FAM180A: variants seen among roughly 807,000 people sequenced by gnomAD.
The protein encoded by FAM180A is family with sequence similarity 180 member A.
FAM180A carries 14 observed loss-of-function variants against 15.3 expected under a neutral mutation model. The observed-to-expected ratio is 0.92, with a 90% confidence interval of 0.61 to 1.43. FAM180A has a LOEUF of 1.43. Among genes scored for constraint, FAM180A ranks in the 40% most tolerant of loss-of-function variants. The pLI is 0.00. For synonymous variants in FAM180A, 90 were observed against 96.8 expected, an observed-to-expected ratio of 0.93 and a Z score of 0.41; for missense variants, 200 against 220.8, an observed-to-expected ratio of 0.91 and a Z score of 0.60.
At position 135,733,868 on chromosome 7, in the gene FAM180A, C is replaced by T. The variant is rs1796828397; in HGVS notation, c.*107G>A. 3 of 1,442,238 alleles carry T rather than the reference C, an allele frequency of 2.1e-6. No individual in the cohort carries two copies. The highest frequency in any genetic ancestry group is 2.7e-6 in the Non-Finnish European group (3 of 1,098,818). The allele number at this position is 1,442,238 out of a possible 1,614,324, so 89.3% of individuals were successfully genotyped here. On this transcript the variant is annotated 3_prime_UTR_variant, in exon 3 of 4. Coordinates refer to ENST00000338588, the MANE Select transcript of FAM180A (RefSeq NM_205855.4). ...CTGTTTGATCTCTGCTGCTCTGTGT[C>T]AGCGGTAAGAGTTTTGTTGCTGGTC... is the stretch of plus-strand genomic sequence containing the variant.
Position 135,729,746 on chromosome 7 carries a change from A to G in FAM180A, c.*865T>C. On this transcript the variant is annotated 3_prime_UTR_variant, in exon 4 of 4. Transcript: ENST00000338588. The stretch of plus-strand genomic sequence containing the variant: ...GAAGGAAACACTTTTCCAGAATACA[A>G]TGCTCAAGAAATGTAAGCCAGATCC... 2 of 985,388 alleles carry G rather than the reference A, an allele frequency of 2.0e-6. No individual in the cohort carries two copies. The highest frequency in any genetic ancestry group is 1.7e-5 in the African/African-American group (1 of 57,352). The allele number at this position is 985,388 out of a possible 1,614,324, so 61.0% of individuals were successfully genotyped here.
intron 1 of FAM180A, among the ~76,000 whole-genome samples, chr7:135,740,736 A>G (rs981510599): frequency 6.6e-6 from 1 of 152,138 alleles, no homozygotes; most frequent in Non-Finnish European, 1.5e-5. Context: ...CAAAGAGGGC[A>G]TGGACTTTGT....
At chr7:135,732,226 G>C (rs1013285094) in intron 3 of FAM180A, among the ~76,000 whole-genome samples, 2 of 152,204 alleles carry the variant, frequency 1.3e-5, no homozygotes, top group Non-Finnish European at 2.9e-5. Context: ...GGGAAACTCA[G>C]AACTGAACAC....
chr7:135,731,217 A>G (rs917926286), intron 3 of FAM180A, among the ~76,000 whole-genome samples: 11 of 152,116 alleles, frequency 7.2e-5, no homozygotes, highest in African/African-American at 2.7e-4. Context: ...AAGACTGACT[A>G]TCAGGGTATT....
intron 1 of FAM180A, among the ~76,000 whole-genome samples, chr7:135,740,877 C>T (rs1310837127): frequency 6.7e-6 from 1 of 148,546 alleles, no homozygotes; most frequent in Admixed American, 6.7e-5. Flanking sequence ...AGGATAGGAT[C>T]TAAGAGCGAC....
chr7:135,737,305 G>T, intron 1 of FAM180A, 106 bp from the exon 2 acceptor site: 1 of 851,088 alleles, frequency 1.2e-6, no homozygotes, highest in Non-Finnish European at 1.8e-6. Context: ...GGACTGACTT[G>T]GCCAGGCACG....
chr7:135,729,748 G>C lies in FAM180A; in HGVS notation c.*863C>G, dbSNP rs1796753978. The C allele has an allele frequency of 1.0e-6, 1 of 985,262 alleles. No individual in the cohort carries two copies. Among genetic ancestry groups the C allele is most frequent in the African/African-American group, 1.7e-5 (1 of 57,322 alleles). 61.0% of individuals were successfully genotyped at this position (985,262 alleles called of 1,614,324 possible). On this transcript the variant is annotated 3_prime_UTR_variant, in exon 4 of 4. Coordinates refer to ENST00000338588, the MANE Select transcript of FAM180A (RefSeq NM_205855.4). Reference sequence around the variant, plus strand: ...AGGAAACACTTTTCCAGAATACAATGCTCAAGAAATGTAAGCCAGATCCCG... The same window carrying C: ...AGGAAACACTTTTCCAGAATACAATCCTCAAGAAATGTAAGCCAGATCCCG...
At chr7:135,747,780 C>T (rs1239822066) in intron 1 of FAM180A, among the ~76,000 whole-genome samples, 1 of 152,232 alleles carries the variant, frequency 6.6e-6, no homozygotes, top group East Asian at 1.9e-4. Context: ...TGGGCAGTGC[C>T]GTGGGTCCCT....
chr7:135,746,783 C>T (rs1194166069), intron 1 of FAM180A, among the ~76,000 whole-genome samples: 1 of 150,424 alleles, frequency 6.6e-6, no homozygotes, highest in Non-Finnish European at 1.5e-5. Context: ...CAGTCAATAA[C>T]AATTTAATTG....
Position 135,733,898 on chromosome 7 carries a change from T to C in FAM180A, c.*77A>G. ...GTAAGAGTTTTGTTGCTGGTCTCTGTAAATGGAGTAGAGAATGAAGACTTT... is the reference window on the plus strand; with the variant it reads ...GTAAGAGTTTTGTTGCTGGTCTCTGCAAATGGAGTAGAGAATGAAGACTTT... On this transcript the variant is annotated 3_prime_UTR_variant, in exon 3 of 4. Transcript: ENST00000338588. The C allele has an allele frequency of 1.4e-6, 2 of 1,473,010 alleles. No individual in the cohort carries two copies. Among genetic ancestry groups the C allele is most frequent in the Non-Finnish European group, 1.8e-6 (2 of 1,111,642 alleles). The allele number at this position is 1,473,010 out of a possible 1,614,324, so 91.2% of individuals were successfully genotyped here.
At chr7:135,740,976 A>AC (rs1451493464) in intron 1 of FAM180A, among the ~76,000 whole-genome samples, 25 of 24,406 alleles carry the variant, frequency 1.0e-3, no homozygotes, top group African/African-American at 1.1e-3. Context: ...AAACAAAACA[A>AC]AAAAAAAAAC....
chr7:135,739,035 C>T (rs1226191754), intron 1 of FAM180A, among the ~76,000 whole-genome samples: 4 of 152,164 alleles, frequency 2.6e-5, no homozygotes, highest in African/African-American at 7.2e-5. Flanking sequence ...GCAGGCTGGG[C>T]GCTGTGGCTC....
chr7:135,733,980 G>C lies in FAM180A; in HGVS notation c.517C>G (p.Pro173Ala), dbSNP rs1420501025. ...TCCTGGTGTGGGCCAGTCTCTCAGG[G>C]AGGTACTCCCGGCTGTGAGGAGCGC... ...LMRSSQPGVP[P>A] Residue 173 changes from proline (P) to alanine (A), a missense_variant, in exon 3 of 4, where the codon CCC becomes GCC. Transcript: ENST00000338588. 6.3e-7 allele frequency: 1 copy of C among 1,597,738 alleles called. No individual in the cohort carries two copies. Among genetic ancestry groups the C allele is most frequent in the Non-Finnish European group, 8.5e-7 (1 of 1,171,232 alleles).
At chr7:135,737,313 ACGG>A in intron 1 of FAM180A, 114 bp from the exon 2 acceptor site, 2 of 783,234 alleles carry the variant, frequency 2.6e-6, no homozygotes, top group South Asian at 1.9e-5. Flanking sequence ...TTGGCCAGGC[ACGG>A]TGGCTCATGC....
intron 1 of FAM180A, among the ~76,000 whole-genome samples, chr7:135,737,957 C>A (rs1796895554): frequency 6.6e-6 from 1 of 152,212 alleles, no homozygotes. Flanking sequence ...TCCCTAATAG[C>A]ACTGCACGCA....
chr7:135,732,237 A>G (rs1046229872), intron 3 of FAM180A, among the ~76,000 whole-genome samples: 4 of 152,204 alleles, frequency 2.6e-5, no homozygotes, highest in Admixed American at 2.6e-4. Context: ...AACTGAACAC[A>G]GAATGAGCAG....
At chr7:135,735,357 A>G (rs1310283341) in intron 2 of FAM180A, among the ~76,000 whole-genome samples, 2 of 152,226 alleles carry the variant, frequency 1.3e-5, no homozygotes, top group African/African-American at 4.8e-5. Flanking sequence ...TGAAGGATGC[A>G]GAGGATTGTG....
rs915873354 is a variant in FAM180A at position 135,733,833 on chromosome 7, A to G, written c.*142T>C. 8.5e-6 allele frequency: 12 copies of G among 1,404,932 alleles called. No homozygotes were observed. In the Admixed American group the frequency reaches 1.3e-4, roughly 15 times the overall value. The allele number at this position is 1,404,932 out of a possible 1,614,324, so 87.0% of individuals were successfully genotyped here. ...CAGGAAACTACAAGGAGAAAAGAGCATCGGGGTTACTGTTTGATCTCTGCT... is the reference window on the plus strand; with the variant it reads ...CAGGAAACTACAAGGAGAAAAGAGCGTCGGGGTTACTGTTTGATCTCTGCT... On this transcript the variant is annotated 3_prime_UTR_variant, in exon 3 of 4. Coordinates refer to ENST00000338588, the MANE Select transcript of FAM180A (RefSeq NM_205855.4).
intron 3 of FAM180A, among the ~76,000 whole-genome samples, chr7:135,732,936 C>T (rs796178965): frequency 8.9e-4 from 136 of 152,310 alleles, no homozygotes; most frequent in African/African-American, 3.2e-3. Context: ...TGCATGAAGA[C>T]AGACAGGCAC....
Sources: gnomAD v4.1 joint callset for allele counts (sites outside exome capture counted in the v4.1 genomes callset) on GRCh38, gnomAD v4.1.1 for gene constraint, MANE v1.5 for transcripts, NCBI Gene and HGNC (gene_info 2026-07-23, HGNC 2026-07-21) for gene names.